Variants in SLIT3 observed in about 807,000 individuals in gnomAD.
SLIT3 encodes slit guidance ligand 3, also known as slit homolog 3 protein.
A neutral mutation model predicts 184.0 loss-of-function variants in SLIT3; 68 were observed. The observed-to-expected ratio is 0.37, with a 90% CI of 0.30 to 0.45. The LOEUF is 0.45. Ranked by LOEUF, SLIT3 falls within the 20% of genes least tolerant of loss-of-function variation. SLIT3 has a pLI of 1.00. For synonymous variants in SLIT3, 831 were observed against 828.6 expected (o/e 1.00, Z -0.05); for missense variants, 1,707 against 2,026.0 (o/e 0.84, Z 3.02).
chr5:168,934,393 G>C (rs900272037), intron 4 of SLIT3, among the ~76,000 whole-genome samples: 10 of 152,134 alleles, frequency 6.6e-5, no homozygotes, highest in Non-Finnish European at 1.0e-4. Flanking sequence ...TTCTCTGCAG[G>C]GGGTGGAACT....
chr5:168,676,741 C>T (rs1761423117), intron 32 of SLIT3, among the ~76,000 whole-genome samples: 1 of 150,908 alleles, frequency 6.6e-6, no homozygotes, highest in Non-Finnish European at 1.5e-5. Context: ...TGGACAGCCA[C>T]CTGTCAGAAA....
At chr5:169,263,086 A>G (rs1290124826) in intron 1 of SLIT3, among the ~76,000 whole-genome samples, 1 of 152,196 alleles carries the variant, frequency 6.6e-6, no homozygotes, top group South Asian at 2.1e-4. Context: ...CACACCTATA[A>G]TCCCAGCACT....
At chr5:168,783,512 T>C (rs541255742) in intron 12 of SLIT3, among the ~76,000 whole-genome samples, 1 of 152,248 alleles carries the variant, frequency 6.6e-6, no homozygotes, top group East Asian at 1.9e-4. Context: ...AAAGGAAATG[T>C]CCAGGGCCAC....
chr5:169,075,275 G>A (rs1005507728), intron 4 of SLIT3, among the ~76,000 whole-genome samples: 1 of 152,116 alleles, frequency 6.6e-6, no homozygotes, highest in Non-Finnish European at 1.5e-5. Context: ...GGTAAGAAGG[G>A]GAGGAAAGAG....
At chr5:169,045,177 T>G (rs1203806186) in intron 4 of SLIT3, among the ~76,000 whole-genome samples, 2 of 152,188 alleles carry the variant, frequency 1.3e-5, no homozygotes, top group Admixed American at 6.5e-5. Flanking sequence ...TGTTGTGCCC[T>G]GCTATGTGAA....
intron 4 of SLIT3, among the ~76,000 whole-genome samples, chr5:168,957,682 C>A (rs1282903230): frequency 1.3e-5 from 2 of 152,200 alleles, no homozygotes; most frequent in Non-Finnish European, 2.9e-5. Context: ...CAGGCCCCAC[C>A]CCTACAAGAG....
chr5:168,704,116 T>A (rs1486716077), intron 26 of SLIT3, among the ~76,000 whole-genome samples: 1 of 151,732 alleles, frequency 6.6e-6, no homozygotes, highest in Non-Finnish European at 1.5e-5. Flanking sequence ...AAATGCACAC[T>A]CTCAGGCCTG....
At chr5:168,702,445 A>G (rs951955428) in intron 26 of SLIT3, among the ~76,000 whole-genome samples, 4 of 152,166 alleles carry the variant, frequency 2.6e-5, no homozygotes, top group African/African-American at 7.2e-5. Flanking sequence ...GGGAGCCTCT[A>G]TGCAGGACCA....
chr5:169,267,659 T>C (rs778114401), intron 1 of SLIT3, among the ~76,000 whole-genome samples: 69 of 152,224 alleles, frequency 4.5e-4, no homozygotes, highest in Non-Finnish European at 1.2e-4. Flanking sequence ...TTAATAATTA[T>C]ACCACAGAAA....
chr5:169,296,450 GT>G (rs1304892820), intron 1 of SLIT3, among the ~76,000 whole-genome samples: 1 of 152,188 alleles, frequency 6.6e-6, no homozygotes, highest in Non-Finnish European at 1.5e-5. Flanking sequence ...CTGGAGGCGG[GT>G]CCACTCAGCT....
intron 4 of SLIT3, among the ~76,000 whole-genome samples, chr5:169,174,300 T>C (rs1270267390): frequency 6.6e-6 from 1 of 152,142 alleles, no homozygotes; most frequent in Non-Finnish European, 1.5e-5. Context: ...AACCAGTTCC[T>C]CTAGGGTGGA....
chr5:168,703,168 C>A (rs1762266876), intron 26 of SLIT3, among the ~76,000 whole-genome samples: 1 of 151,950 alleles, frequency 6.6e-6, no homozygotes, highest in African/African-American at 2.4e-5. Context: ...TTGCTCAAAT[C>A]TACCAGATTT....
At chr5:169,098,016 T>A (rs980429664) in intron 4 of SLIT3, among the ~76,000 whole-genome samples, 1 of 152,152 alleles carries the variant, frequency 6.6e-6, no homozygotes, top group Admixed American at 6.5e-5. Context: ...AAGTGCTTTT[T>A]CCCCATTTGG....
At chr5:168,845,421 G>A (rs770560645) in intron 5 of SLIT3, among the ~76,000 whole-genome samples, 1 of 152,152 alleles carries the variant, frequency 6.6e-6, no homozygotes, top group Non-Finnish European at 1.5e-5. Context: ...AAGGAATATC[G>A]TTATTGCCTT....
At chr5:168,749,413 G>T in intron 19 of SLIT3, 59 bp downstream of exon 19, 1 of 1,589,106 alleles carries the variant, frequency 6.3e-7, no homozygotes, top group African/African-American at 1.3e-5. Flanking sequence ...GTGCATCTTC[G>T]CCATCTTCCT....
At chr5:169,148,769 A>T (rs1008680482) in intron 4 of SLIT3, among the ~76,000 whole-genome samples, 21 of 152,258 alleles carry the variant, frequency 1.4e-4, no homozygotes, top group African/African-American at 5.1e-4. Context: ...TAACAAGGAA[A>T]CGGAGTGGAT....
At chr5:168,829,741 A>G (rs1461832350) in intron 6 of SLIT3, among the ~76,000 whole-genome samples, 4 of 152,242 alleles carry the variant, frequency 2.6e-5, no homozygotes, top group Non-Finnish European at 4.4e-5. Flanking sequence ...CCAAAGTACC[A>G]GACTCCTTTC....
intron 1 of SLIT3, among the ~76,000 whole-genome samples, chr5:169,273,710 C>T (rs1403248744): frequency 6.6e-6 from 1 of 152,114 alleles, no homozygotes; most frequent in Non-Finnish European, 1.5e-5. Context: ...GCTGAGTTTA[C>T]AAGCTTGAAT....
intron 4 of SLIT3, among the ~76,000 whole-genome samples, chr5:169,100,723 A>C (rs140540006): frequency 1.2e-4 from 18 of 152,330 alleles, no homozygotes; most frequent in African/African-American, 4.1e-4. Context: ...ACACTGGGTC[A>C]TTCCATCCTC....
Sources: gnomAD v4.1 joint callset for allele counts (sites outside exome capture counted in the v4.1 genomes callset) on GRCh38, gnomAD v4.1.1 for gene constraint, MANE v1.5 for transcripts, NCBI Gene and HGNC (gene_info 2026-07-23, HGNC 2026-07-21) for gene names.